CSMD3: variants seen among roughly 807,000 people sequenced by gnomAD.
The protein encoded by CSMD3 is CUB and sushi domain-containing protein 3.
In CSMD3, 177 loss-of-function variants were observed where a neutral mutation model predicts 435.2. That is an observed-to-expected ratio of 0.41 (90% CI 0.36 to 0.46). The LOEUF is 0.46. Among genes scored for constraint, CSMD3 ranks in the 20% least tolerant of loss-of-function variants. The probability of loss-of-function intolerance (pLI) is 0.34; values close to 1 mark genes in which losing one functional copy is unlikely to be tolerated. For synonymous variants in CSMD3, 1,656 were observed against 1,520.5 expected, an observed-to-expected ratio of 1.09 and a Z score of -2.07; for missense variants, 4,265 against 4,504.6, an observed-to-expected ratio of 0.95 and a Z score of 1.52.
chr8:113,072,401 T>C (rs2089164654), intron 5 of CSMD3, among the ~76,000 whole-genome samples: 1 of 151,746 alleles, frequency 6.6e-6, no homozygotes, highest in South Asian at 2.1e-4. Flanking sequence ...GTTTTTTTCA[T>C]TTCCCCCATT....
intron 1 of CSMD3, among the ~76,000 whole-genome samples, chr8:113,381,801 A>G (rs185934210): frequency 6.6e-6 from 1 of 152,180 alleles, no homozygotes; most frequent in Non-Finnish European, 1.5e-5. Flanking sequence ...GCATAAAGAA[A>G]ATAACTCATA....
intron 19 of CSMD3, among the ~76,000 whole-genome samples, chr8:112,646,770 A>T (rs564236380): frequency 6.6e-6 from 1 of 152,322 alleles, no homozygotes; most frequent in South Asian, 2.1e-4. Flanking sequence ...GGATGAAGAC[A>T]CTGAAGAGAA....
chr8:112,418,165 A>C (rs1352511623), intron 32 of CSMD3, among the ~76,000 whole-genome samples: 4 of 152,170 alleles, frequency 2.6e-5, no homozygotes, highest in Non-Finnish European at 5.9e-5. Flanking sequence ...ACTATATTTC[A>C]CTATGTGTGA....
rs1248544426 is a variant in CSMD3 at position 112,656,547 on chromosome 8, TA to T, written c.2817-207del. ...ATAAGCTCTTATTCCTATGAAAAATTATTATTAAAAAGTTATGTATTGTTCC... is the reference window on the plus strand; with the variant it reads ...ATAAGCTCTTATTCCTATGAAAAATTTTATTAAAAAGTTATGTATTGTTCC... On this transcript the variant is annotated intron_variant, in intron 17 of 70. Coordinates refer to ENST00000297405, the MANE Select transcript of CSMD3 (RefSeq NM_198123.2). 9.2e-5 allele frequency among the ~76,000 whole-genome samples: 14 copies of T among 152,244 alleles called. No individual in the cohort carries two copies. In the East Asian group the frequency reaches 2.5e-3, roughly 27 times the overall value.
At chr8:112,708,363 T>C (rs1221871689) in intron 13 of CSMD3, among the ~76,000 whole-genome samples, 2 of 152,002 alleles carry the variant, frequency 1.3e-5, no homozygotes, top group African/African-American at 4.8e-5. Context: ...TTGTGTAAGA[T>C]TGGAAAAGAT....
At chr8:113,283,499 C>T (rs1195855182) in intron 2 of CSMD3, among the ~76,000 whole-genome samples, 3 of 152,184 alleles carry the variant, frequency 2.0e-5, no homozygotes, top group East Asian at 1.9e-4. Context: ...CACTAATGAT[C>T]AGGGAAATGC....
chr8:112,380,550 T>C, intron 37 of CSMD3, 94 bp from the exon 38 acceptor site: 1 of 730,308 alleles, frequency 1.4e-6, no homozygotes, highest in Non-Finnish European at 2.5e-6. Flanking sequence ...AGAATACCAC[T>C]AAAAATATGC....
intron 9 of CSMD3, among the ~76,000 whole-genome samples, chr8:112,943,059 T>G (rs2083499715): frequency 6.6e-6 from 1 of 151,742 alleles, no homozygotes; most frequent in African/African-American, 2.4e-5. Context: ...TTATATTAAT[T>G]TGAAGTTCCC....
At chr8:113,372,976 A>G (rs796467123) in intron 1 of CSMD3, among the ~76,000 whole-genome samples, 24 of 152,084 alleles carry the variant, frequency 1.6e-4, no homozygotes, top group African/African-American at 5.5e-4. Context: ...ACACATTTAT[A>G]CACAGTTTTT....
At chr8:112,700,697 T>C (rs762664497) in intron 13 of CSMD3, among the ~76,000 whole-genome samples, 2 of 152,082 alleles carry the variant, frequency 1.3e-5, no homozygotes, top group African/African-American at 2.4e-5. Flanking sequence ...AGAACAACCA[T>C]GGTAACAGTT....
At chr8:112,267,189 A>C (rs940882216) in intron 59 of CSMD3, among the ~76,000 whole-genome samples, 5 of 152,174 alleles carry the variant, frequency 3.3e-5, no homozygotes, top group African/African-American at 1.2e-4. Flanking sequence ...TTCATATTCT[A>C]TTCTGTTGAT....
At chr8:112,949,950 C>T (rs751112092) in intron 8 of CSMD3, among the ~76,000 whole-genome samples, 16 of 151,954 alleles carry the variant, frequency 1.1e-4, no homozygotes, top group Non-Finnish European at 8.8e-5. Context: ...CAAGACTTAG[C>T]TCAAGTCCCA....
At chr8:112,518,653 AGAGG>A (rs1823953312) in intron 27 of CSMD3, among the ~76,000 whole-genome samples, 7 of 150,874 alleles carry the variant, frequency 4.6e-5, no homozygotes, top group African/African-American at 1.2e-4. Flanking sequence ...AGAGAGAGAG[AGAGG>A]GAAACTTACT....
chr8:112,976,097 T>G lies in CSMD3; in HGVS notation c.1082A>C (p.Asn361Thr), dbSNP rs138285672. Residue 361 changes from asparagine (N) to threonine (T), a missense_variant, in exon 7 of 71, where the codon AAC becomes ACC. Physicochemically the swap from Asn to Thr is moderately conservative, Grantham distance 65. This residue lies in a region of CSMD3 where 731 missense variants were observed against 755.4 expected (regional missense o/e 0.97). Coordinates refer to ENST00000297405, the MANE Select transcript of CSMD3 (RefSeq NM_198123.2). ...TTSTGELEEH[N>T]RTTTGAIAVA... ...AGCAATAGCACCAGTGGTAGTCCTGTTATGCTCCTCTAACTCACCAGTGGA... is the reference window on the plus strand; with the variant it reads ...AGCAATAGCACCAGTGGTAGTCCTGGTATGCTCCTCTAACTCACCAGTGGA... 1.9e-6 allele frequency: 3 copies of G among 1,613,926 alleles called. No individual in the cohort carries two copies. The African/African-American group carries it at 4.0e-5, about 22-fold the overall frequency.
chr8:113,249,542 T>A (rs1453258750), intron 3 of CSMD3, among the ~76,000 whole-genome samples: 2 of 152,126 alleles, frequency 1.3e-5, no homozygotes, highest in Non-Finnish European at 2.9e-5. Flanking sequence ...TTTCTATTTT[T>A]AAATCAAATT....
At chr8:113,422,861 A>T (rs1370405697) in intron 1 of CSMD3, among the ~76,000 whole-genome samples, 1 of 152,100 alleles carries the variant, frequency 6.6e-6, no homozygotes, top group Non-Finnish European at 1.5e-5. Flanking sequence ...CAGCTACAAC[A>T]TGATACTTTA....
chr8:112,648,972 CTAAT>C (rs1272705259), intron 19 of CSMD3, among the ~76,000 whole-genome samples: 1 of 152,128 alleles, frequency 6.6e-6, no homozygotes, highest in Non-Finnish European at 1.5e-5. Context: ...TGGGATTTTT[CTAAT>C]TAGAGTGACA....
In CSMD3 at chr8:113,278,355, C is replaced by T. The variant is rs547720136; in HGVS notation, c.514+237G>A. 1.1e-4 allele frequency among the ~76,000 whole-genome samples: 16 copies of T among 151,860 alleles called. No homozygotes were observed. The South Asian group carries it at 1.9e-3, about 18-fold the overall frequency. On this transcript the variant is annotated intron_variant, in intron 3 of 70. Transcript: ENST00000297405. Reference sequence around the variant, plus strand: ...GTCCTATTACTCTCACATTTAATTCCGTTTTGTTAATTCGTAACCCTGTAG... The same window carrying T: ...GTCCTATTACTCTCACATTTAATTCTGTTTTGTTAATTCGTAACCCTGTAG...
At chr8:112,415,029 T>C (rs1260707163) in intron 32 of CSMD3, among the ~76,000 whole-genome samples, 1 of 152,198 alleles carries the variant, frequency 6.6e-6, no homozygotes, top group Non-Finnish European at 1.5e-5. Context: ...AAAAACCTAT[T>C]TTCTGGGGAG....
Sources: gnomAD v4.1 joint callset for allele counts (sites outside exome capture counted in the v4.1 genomes callset) on GRCh38, gnomAD v4.1.1 for gene constraint, gnomAD v4.1.1 regional missense constraint, MANE v1.5 for transcripts, NCBI Gene and HGNC (gene_info 2026-07-23, HGNC 2026-07-21) for gene names.